The following COL23A1 variants were observed in gnomAD, a reference collection of about 807,000 sequenced individuals.
The protein encoded by COL23A1 is collagen alpha-1(XXIII) chain.
Under a neutral mutation model 99.3 loss-of-function variants are expected in COL23A1, and 97 were observed. The observed-to-expected ratio is 0.98, with a 90% CI of 0.83 to 1.16. The LOEUF is 1.16. COL23A1 is among the 50% of genes most tolerant of loss of function. The probability of loss-of-function intolerance (pLI) is 0.00; values close to 1 mark genes in which losing one functional copy is unlikely to be tolerated. For missense variants in COL23A1, 762 were observed against 757.4 expected, an observed-to-expected ratio of 1.01 and a Z score of -0.07; for synonymous variants, 320 against 308.2, an observed-to-expected ratio of 1.04 and a Z score of -0.40.
chr5:178,286,992 C>T lies in COL23A1; in HGVS notation c.441+1332G>A, dbSNP rs555146120. ...TCATGCCAGGAGTGGTTCTGTTAGTCTCCGGTCCTCCCGAGCCGGTACTGG... is the reference window on the plus strand; with the variant it reads ...TCATGCCAGGAGTGGTTCTGTTAGTTTCCGGTCCTCCCGAGCCGGTACTGG... On this transcript the variant is annotated intron_variant, in intron 5 of 28. Transcript: ENST00000390654. Among the ~76,000 whole-genome samples, 5 of 152,314 alleles carry T rather than the reference C, an allele frequency of 3.3e-5. No individual in the cohort carries two copies. In the East Asian group the frequency reaches 9.7e-4, roughly 29 times the overall value.
chr5:178,267,270 C>T, intron 8 of COL23A1, 37 bp downstream of exon 8: 1 of 1,612,010 alleles, frequency 6.2e-7, no homozygotes. Context: ...CAAAACAAAC[C>T]ATGTGGGCAG....
At chr5:178,464,490 T>C (rs1464826396) in intron 2 of COL23A1, among the ~76,000 whole-genome samples, 1 of 152,224 alleles carries the variant, frequency 6.6e-6, no homozygotes, top group Non-Finnish European at 1.5e-5. Flanking sequence ...AATGTGCACG[T>C]ACCCCACTTA....
At chr5:178,290,396 A>C (rs1757390348) in intron 3 of COL23A1, 27 bp from the exon 4 acceptor site, 1 of 1,612,490 alleles carries the variant, frequency 6.2e-7, no homozygotes, top group Non-Finnish European at 8.5e-7. Context: ...GAGAAGCCAC[A>C]GTCAGTGTGG....
chr5:178,376,250 G>A (rs562871639), intron 2 of COL23A1, among the ~76,000 whole-genome samples: 2 of 152,348 alleles, frequency 1.3e-5, no homozygotes, highest in East Asian at 1.9e-4. Context: ...GCATGCCATC[G>A]GATCCGGGTT....
chr5:178,514,479 C>T (rs1305917401), intron 2 of COL23A1, among the ~76,000 whole-genome samples: 2 of 152,236 alleles, frequency 1.3e-5, no homozygotes, highest in Admixed American at 1.3e-4. Context: ...TGTGAGGATC[C>T]TCCATACTGT....
chr5:178,377,754 C>T (rs1015868350), intron 2 of COL23A1, among the ~76,000 whole-genome samples: 5 of 152,210 alleles, frequency 3.3e-5, no homozygotes, highest in Admixed American at 1.3e-4. Context: ...AGGTGCAGGG[C>T]AGGCCGAGGG....
chr5:178,473,177 A>C (rs10043416), intron 2 of COL23A1, among the ~76,000 whole-genome samples: 92,913 of 151,900 alleles, frequency 0.61, 28,928 homozygotes, highest in East Asian at 0.92. Flanking sequence ...AAAATCATAC[A>C]AATAAAAATA....
chr5:178,448,018 ATT>A (rs779525225), intron 2 of COL23A1, among the ~76,000 whole-genome samples: 4 of 152,144 alleles, frequency 2.6e-5, no homozygotes, highest in Admixed American at 6.5e-5. Flanking sequence ...CAAAATTCAT[ATT>A]GTTACCCCCA....
At chr5:178,576,045 G>A (rs946450433) in intron 1 of COL23A1, among the ~76,000 whole-genome samples, 13 of 152,216 alleles carry the variant, frequency 8.5e-5, no homozygotes, top group Non-Finnish European at 1.3e-4. Context: ...AAGCCGCAGT[G>A]CTTTTGGCAG....
intron 12 of COL23A1, among the ~76,000 whole-genome samples, chr5:178,259,178 C>T (rs910098895): frequency 7.9e-5 from 12 of 152,134 alleles, no homozygotes; most frequent in Admixed American, 5.9e-4. Context: ...GTCTTGGCCC[C>T]CTAAAGTGCT....
At chr5:178,481,984 C>T (rs944071670) in intron 2 of COL23A1, among the ~76,000 whole-genome samples, 3 of 149,468 alleles carry the variant, frequency 2.0e-5, no homozygotes, top group South Asian at 2.1e-4. Flanking sequence ...AACAAACCTG[C>T]GTGTTGTGTA....
intron 8 of COL23A1, 32 bp from the exon 9 acceptor site, chr5:178,263,356 G>C: frequency 7.3e-7 from 1 of 1,363,072 alleles, no homozygotes; most frequent in Non-Finnish European, 1.0e-6. Context: ...ATGACTCTGA[G>C]GGGGAGGGGG....
At chr5:178,487,595 A>G (rs1175202993) in intron 2 of COL23A1, among the ~76,000 whole-genome samples, 1 of 152,158 alleles carries the variant, frequency 6.6e-6, no homozygotes, top group African/African-American at 2.4e-5. Flanking sequence ...ATGGGGCTGT[A>G]AGGTTCCCAA....
intron 2 of COL23A1, among the ~76,000 whole-genome samples, chr5:178,482,883 C>CAG (rs768290637): frequency 6.6e-6 from 1 of 151,566 alleles, no homozygotes; most frequent in Non-Finnish European, 1.5e-5. Context: ...GCCTGGGCAA[C>CAG]AGAGAGAGAC....
At chr5:178,249,090 A>G (rs1312364039) in intron 19 of COL23A1, 27 bp downstream of exon 19, 1 of 1,606,634 alleles carries the variant, frequency 6.2e-7, no homozygotes, top group Non-Finnish European at 8.5e-7. Flanking sequence ...CAGGAGGCGT[A>G]ATGTGTGGCC....
chr5:178,425,422 A>T (rs537886698), intron 2 of COL23A1, among the ~76,000 whole-genome samples: 11 of 142,906 alleles, frequency 7.7e-5, no homozygotes, highest in Non-Finnish European at 1.4e-4. Context: ...ACTCCATCTC[A>T]AAATAAATAA....
chr5:178,357,331 GGCGGAAGT>G (rs1300645979), intron 2 of COL23A1, among the ~76,000 whole-genome samples: 2 of 152,188 alleles, frequency 1.3e-5, no homozygotes, highest in East Asian at 3.9e-4. Flanking sequence ...TCTGTGAGCC[GGCGGAAGT>G]GCCTCTGCCC....
At chr5:178,297,715 A>G (rs1469945257) in intron 3 of COL23A1, among the ~76,000 whole-genome samples, 1 of 152,096 alleles carries the variant, frequency 6.6e-6, no homozygotes, top group Non-Finnish European at 1.5e-5. Context: ...TATCCCTGGG[A>G]CCACATCTGC....
At chr5:178,585,942 C>T (rs914719458) in intron 1 of COL23A1, among the ~76,000 whole-genome samples, 1 of 152,170 alleles carries the variant, frequency 6.6e-6, no homozygotes, top group Non-Finnish European at 1.5e-5. Flanking sequence ...TGTAAGTCTG[C>T]CGAAAGGTGG....
Sources: gnomAD v4.1 joint callset for allele counts (sites outside exome capture counted in the v4.1 genomes callset) on GRCh38, gnomAD v4.1.1 for gene constraint, MANE v1.5 for transcripts, NCBI Gene and HGNC (gene_info 2026-07-23, HGNC 2026-07-21) for gene names.